Variants in EVI5 observed in about 807,000 individuals in gnomAD.
EVI5 encodes the protein ecotropic viral integration site 5.
In EVI5, 73 loss-of-function variants were observed where a neutral mutation model predicts 112.0. The ratio of observed to expected loss-of-function variants is 0.65; its 90% CI spans 0.54 to 0.79. The LOEUF (loss-of-function observed/expected upper bound fraction) is 0.79. Ranked by LOEUF, EVI5 falls within the 30% of genes least tolerant of loss-of-function variation. EVI5 has a pLI of 0.00. For missense variants in EVI5, 900 were observed against 968.8 expected, an observed-to-expected ratio of 0.93 and a Z score of 0.94; for synonymous variants, 305 against 319.9, an observed-to-expected ratio of 0.95 and a Z score of 0.50.
In EVI5 at chr1:92,626,069, T is replaced by C. The variant is rs1655602535; in HGVS notation, c.1528-135A>G. The C allele has an allele frequency of 6.9e-6, 4 of 582,600 alleles. No individual in the cohort carries two copies. In the South Asian group the frequency reaches 1.1e-4, roughly 17 times the overall value. The allele number at this position is 582,600 out of a possible 1,614,324, so 36.1% of individuals were successfully genotyped here. A position where few individuals can be genotyped will look rare whatever the true frequency, so the allele number is the denominator to read the frequency against. Reference sequence around the variant, plus strand: ...ATACTGAAATATAATTCACAAACTATGAAACTCACCCTTTTAAAATACACA... The same window carrying C: ...ATACTGAAATATAATTCACAAACTACGAAACTCACCCTTTTAAAATACACA... On this transcript the variant is annotated intron_variant, in intron 14 of 19. Coordinates refer to ENST00000684568, the MANE Select transcript of EVI5 (RefSeq NM_001350197.2).
At chr1:92,757,774 C>T (rs777438229) in intron 1 of EVI5, among the ~76,000 whole-genome samples, 26 of 151,584 alleles carry the variant, frequency 1.7e-4, no homozygotes, top group Non-Finnish European at 2.5e-4. Context: ...TGGTGGTGCA[C>T]GCCTGTAATC....
At chr1:92,670,101 A>T (rs1665609718) in intron 10 of EVI5, among the ~76,000 whole-genome samples, 1 of 152,196 alleles carries the variant, frequency 6.6e-6, no homozygotes, top group African/African-American at 2.4e-5. Flanking sequence ...CGTATTATAC[A>T]TCAAAAGTCT....
chr1:92,790,522 T>C (rs901566499), intron 1 of EVI5, among the ~76,000 whole-genome samples: 1 of 151,824 alleles, frequency 6.6e-6, no homozygotes, highest in Non-Finnish European at 1.5e-5. Flanking sequence ...GTTTTTTTTT[T>C]TGGTTTTTTT....
chr1:92,520,356 T>C (rs946495170), intron 19 of EVI5, among the ~76,000 whole-genome samples: 2 of 152,204 alleles, frequency 1.3e-5, no homozygotes, highest in Non-Finnish European at 1.5e-5. Context: ...ACCTATAAGC[T>C]TGCTGTTCTG....
chr1:92,522,082 C>A (rs1242068486), intron 19 of EVI5, among the ~76,000 whole-genome samples: 2 of 152,166 alleles, frequency 1.3e-5, no homozygotes, highest in African/African-American at 4.8e-5. Flanking sequence ...TTGTCATAAT[C>A]TTTTACTGGC....
chr1:92,741,877 A>C (rs1184266689), intron 1 of EVI5, among the ~76,000 whole-genome samples: 1 of 152,206 alleles, frequency 6.6e-6, no homozygotes, highest in Non-Finnish European at 1.5e-5. Context: ...ACTTAGAAGA[A>C]AACGTAAGGG....
At chr1:92,537,293 C>A (rs1157775160) in intron 19 of EVI5, among the ~76,000 whole-genome samples, 1 of 151,784 alleles carries the variant, frequency 6.6e-6, no homozygotes, top group South Asian at 2.1e-4. Flanking sequence ...AGCTCCTATT[C>A]GTACATTTGA....
intron 18 of EVI5, among the ~76,000 whole-genome samples, chr1:92,594,342 C>G (rs1433847654): frequency 1.3e-5 from 2 of 151,674 alleles, no homozygotes; most frequent in Non-Finnish European, 2.9e-5. Flanking sequence ...ATAAATGGTG[C>G]TGGGAAAACT....
chr1:92,741,239 C>CTGGT (rs1418568966), intron 1 of EVI5, among the ~76,000 whole-genome samples: 1 of 152,184 alleles, frequency 6.6e-6, no homozygotes, highest in Non-Finnish European at 1.5e-5. Context: ...CACAGGCAAT[C>CTGGT]TGGTTGGAGA....
chr1:92,745,885 T>C (rs1203293783), intron 1 of EVI5, among the ~76,000 whole-genome samples: 3 of 152,190 alleles, frequency 2.0e-5, no homozygotes, highest in Admixed American at 6.5e-5. Context: ...ATGAATCTTC[T>C]TGATGACCTG....
At chr1:92,713,458 T>C (rs1191241884) in intron 2 of EVI5, among the ~76,000 whole-genome samples, 1 of 151,970 alleles carries the variant, frequency 6.6e-6, no homozygotes, top group African/African-American at 2.4e-5. Context: ...TTAAAAATCA[T>C]AAAATACATT....
At chr1:92,549,942 G>A (rs937624813) in intron 19 of EVI5, among the ~76,000 whole-genome samples, 4 of 152,104 alleles carry the variant, frequency 2.6e-5, no homozygotes, top group East Asian at 3.9e-4. Context: ...ACAGTGTGGC[G>A]ATTACTCAAG....
At chr1:92,632,051 GC>G (rs201515796) in intron 14 of EVI5, among the ~76,000 whole-genome samples, 139,104 of 151,112 alleles carry the variant, frequency 0.92, 64,104 homozygotes, top group East Asian at 0.97. Context: ...TGGTGGATAA[GC>G]TTTTTGATGT....
intron 1 of EVI5, among the ~76,000 whole-genome samples, chr1:92,782,101 A>C (rs56185219): frequency 0.09 from 13,740 of 152,050 alleles, 1,769 homozygotes; most frequent in African/African-American, 0.29. Flanking sequence ...TCTACTAAAA[A>C]TACAAAAATT....
At chr1:92,704,799 G>T in intron 2 of EVI5, 55 bp from the exon 3 acceptor site, 2 of 764,808 alleles carry the variant, frequency 2.6e-6, no homozygotes, top group South Asian at 3.0e-5. Flanking sequence ...TATTAGAAGA[G>T]GCATTGATGA....
At chr1:92,531,661 A>G in intron 19 of EVI5, among the ~76,000 whole-genome samples, 1 of 152,234 alleles carries the variant, frequency 6.6e-6, no homozygotes, top group East Asian at 1.9e-4. Flanking sequence ...AGAATTTTCA[A>G]CCCAGAATTT....
intron 2 of EVI5, among the ~76,000 whole-genome samples, chr1:92,729,753 T>G (rs896212979): frequency 6.6e-6 from 1 of 152,202 alleles, no homozygotes; most frequent in Non-Finnish European, 1.5e-5. Context: ...ATTATTTTTA[T>G]TGTTGTATGT....
intron 1 of EVI5, among the ~76,000 whole-genome samples, chr1:92,742,710 C>T (rs919650399): frequency 3.3e-5 from 5 of 151,788 alleles, no homozygotes; most frequent in African/African-American, 1.2e-4. Context: ...AAATAAAATG[C>T]AAATCAAAAC....
rs1330937913 is a variant in EVI5, at chr1:92,510,004, T to C, written c.*3652A>G. On this transcript the variant is annotated 3_prime_UTR_variant, in exon 20 of 20. Coordinates refer to ENST00000684568, the MANE Select transcript of EVI5 (RefSeq NM_001350197.2). Reference sequence around the variant, plus strand: ...TTACATTAATTTGAATGAAAAGGAGTCAAACCAAGGCATAATATCCTATTG... The same window carrying C: ...TTACATTAATTTGAATGAAAAGGAGCCAAACCAAGGCATAATATCCTATTG... 1 of 152,052 alleles carries C rather than the reference T, an allele frequency of 6.6e-6. No homozygotes were observed. Among genetic ancestry groups the C allele is most frequent in the Non-Finnish European group, 1.5e-5 (1 of 67,994 alleles). The allele number at this position is 152,052 out of a possible 1,614,324, so 9.4% of individuals were successfully genotyped here. A position where few individuals can be genotyped will look rare whatever the true frequency, so the allele number is the denominator to read the frequency against.
Sources: gnomAD v4.1 joint callset for allele counts (sites outside exome capture counted in the v4.1 genomes callset) on GRCh38, gnomAD v4.1.1 for gene constraint, MANE v1.5 for transcripts, NCBI Gene and HGNC (gene_info 2026-07-23, HGNC 2026-07-21) for gene names.